EPHA7: variants seen among roughly 807,000 people sequenced by gnomAD.
The protein encoded by EPHA7 is ephrin type-A receptor 7.
A neutral mutation model predicts 112.6 loss-of-function variants in EPHA7; 25 were observed. The ratio of observed to expected loss-of-function variants is 0.22; its 90% CI spans 0.16 to 0.31. The LOEUF (loss-of-function observed/expected upper bound fraction) is 0.31. Ranked by LOEUF, EPHA7 falls within the 10% of genes least tolerant of loss-of-function variation. EPHA7 has a pLI of 1.00. For synonymous variants in EPHA7, 437 were observed against 406.5 expected (o/e 1.07, Z -0.90); for missense variants, 962 against 1,212.6 (o/e 0.79, Z 3.07).
chr6:93,252,393 A>C (rs1770255435), intron 14 of EPHA7, among the ~76,000 whole-genome samples: 1 of 151,120 alleles, frequency 6.6e-6, no homozygotes, highest in African/African-American at 2.4e-5. Context: ...ATTAAAAGAC[A>C]ATGAATACAT....
chr6:93,304,402 C>A (rs763436180), intron 5 of EPHA7, among the ~76,000 whole-genome samples: 2 of 151,960 alleles, frequency 1.3e-5, no homozygotes, highest in Admixed American at 1.3e-4. Context: ...GCTGCCAATG[C>A]TGGCAGCAAT....
intron 5 of EPHA7, among the ~76,000 whole-genome samples, chr6:93,305,099 T>C (rs1465815129): frequency 6.6e-6 from 1 of 151,994 alleles, no homozygotes; most frequent in Non-Finnish European, 1.5e-5. Context: ...GCAATTTTTA[T>C]GTGTTTTTTT....
At chr6:93,252,402 A>C (rs1770255855) in intron 14 of EPHA7, among the ~76,000 whole-genome samples, 1 of 146,432 alleles carries the variant, frequency 6.8e-6, no homozygotes, top group Non-Finnish European at 1.5e-5. Context: ...CAATGAATAC[A>C]TCTGAAAATC....
intron 3 of EPHA7, among the ~76,000 whole-genome samples, chr6:93,401,500 T>C (rs1038175826): frequency 2.0e-5 from 3 of 152,048 alleles, no homozygotes; most frequent in Non-Finnish European, 2.9e-5. Context: ...TCTATAACTT[T>C]AGCCAAAGTG....
At chr6:93,252,131 C>T (rs995806384) in intron 14 of EPHA7, among the ~76,000 whole-genome samples, 3 of 151,700 alleles carry the variant, frequency 2.0e-5, no homozygotes, top group Non-Finnish European at 2.9e-5. Flanking sequence ...TCATTAGCTT[C>T]TACACCACCC....
chr6:93,343,509 T>C (rs1775242044), intron 5 of EPHA7, among the ~76,000 whole-genome samples: 1 of 151,828 alleles, frequency 6.6e-6, no homozygotes, highest in Non-Finnish European at 1.5e-5. Context: ...TGTTTATAGT[T>C]CTTCATTCCT....
At chr6:93,369,443 TTGTC>T (rs1431783393) in intron 3 of EPHA7, among the ~76,000 whole-genome samples, 2 of 152,210 alleles carry the variant, frequency 1.3e-5, no homozygotes, top group African/African-American at 4.8e-5. Context: ...TATCATTTAA[TTGTC>T]TGTTAAAACA....
chr6:93,309,476 AAAAGCTCAAC>A (rs1773422629), intron 5 of EPHA7, among the ~76,000 whole-genome samples: 1 of 152,154 alleles, frequency 6.6e-6, no homozygotes, highest in African/African-American at 2.4e-5. Context: ...ATCATAATTA[AAAAGCTCAAC>A]TTGATATAAA....
At chr6:93,375,511 G>A (rs777758373) in intron 3 of EPHA7, among the ~76,000 whole-genome samples, 62 of 151,644 alleles carry the variant, frequency 4.1e-4, no homozygotes, top group South Asian at 2.1e-4. Context: ...CCAGCTACTC[G>A]AGAGGCTGAT....
intron 3 of EPHA7, among the ~76,000 whole-genome samples, chr6:93,400,918 T>G (rs1311071747): frequency 6.6e-6 from 1 of 152,122 alleles, no homozygotes; most frequent in Non-Finnish European, 1.5e-5. Flanking sequence ...ATGATAAATG[T>G]ATGATATGTA....
intron 5 of EPHA7, among the ~76,000 whole-genome samples, chr6:93,309,196 G>A (rs929866930): frequency 1.5e-4 from 23 of 152,120 alleles, no homozygotes; most frequent in African/African-American, 4.8e-4. Context: ...TGATCTGCCC[G>A]CCTTAGCCTC....
In EPHA7 at chr6:93,331,787, A is replaced by G. The variant is rs143499366; in HGVS notation, c.1324+24930T>C. 7.7e-3 allele frequency among the ~76,000 whole-genome samples: 1,162 copies of G among 151,690 alleles called. 16 individuals are homozygous for G. The highest frequency in any genetic ancestry group is 0.026 in the African/African-American group (1,085 of 41,484). ...TAGTTTATCAATTAATTATTTCTTC[A>G]AAGATACGTACTTTCTATTTTTCAG... On this transcript the variant is annotated intron_variant, in intron 5 of 16. Coordinates refer to ENST00000369303, the MANE Select transcript of EPHA7 (RefSeq NM_004440.4).
chr6:93,310,677 GTTACGT>G (rs1773487723), intron 5 of EPHA7, among the ~76,000 whole-genome samples: 2 of 150,738 alleles, frequency 1.3e-5, no homozygotes, highest in Non-Finnish European at 3.0e-5. Context: ...AAAAAAAAAA[GTTACGT>G]TTACATTAAC....
rs767334617 is a variant in EPHA7 at position 93,263,886 on chromosome 6, T to C, written c.1772A>G (p.Glu591Gly). The change falls in exon 9 of 17, where the codon GAA (glutamate) becomes GGA (glycine). Residue 591 changes from glutamate (E) to glycine (G), a missense_variant. Around this residue, in one of 3 missense-constraint regions of EPHA7, gnomAD observed 746 missense variants for 889.2 expected, o/e 0.84. Coordinates refer to ENST00000369303, the MANE Select transcript of EPHA7 (RefSeq NM_004440.4). ...RHCGYSKADQ[E>G]GDEELYFHFK... The stretch of plus-strand genomic sequence containing the variant: ...ATGAAAGTAAAGCTCTTCATCGCCT[T>C]CTTGGTCAGCTTTGCTATAACCACA... 3 of 1,609,656 alleles carry C rather than the reference T, an allele frequency of 1.9e-6. No homozygotes were observed. The South Asian group carries it at 3.3e-5, about 18-fold the overall frequency.
At position 93,386,453 on chromosome 6, in the gene EPHA7, G is replaced by A. The variant is rs566201545; in HGVS notation, c.832+24048C>T. Among the ~76,000 whole-genome samples, 28 of 152,272 alleles carry A rather than the reference G, an allele frequency of 1.8e-4. 1 individual carries two copies. The East Asian group carries it at 4.1e-3, about 22-fold the overall frequency. ...ACTCTATGTCTCACATTCAGGTCAC[G>A]CTGATGTAAGAGGGGGGCTCCCCAT... On this transcript the variant is annotated intron_variant, in intron 3 of 16. Coordinates refer to ENST00000369303, the MANE Select transcript of EPHA7 (RefSeq NM_004440.4).
chr6:93,258,101 C>A lies in EPHA7; in HGVS notation c.2108G>T (p.Arg703Ile), dbSNP rs370400794. The change falls in exon 11 of 17, where the codon AGA becomes ATA. Residue 703 changes from arginine (R) to isoleucine (I), a missense_variant and splice_region_variant. Around this residue, in one of 3 missense-constraint regions of EPHA7, gnomAD observed 746 missense variants for 889.2 expected, o/e 0.84. Transcript: ENST00000369303. ...NVVHLEGVVTRGKPVMIVIEF... is the reference protein window; with the variant it reads ...NVVHLEGVVTIGKPVMIVIEF... Reference sequence around the variant, plus strand: ...ATAAAGATATAACCAATATCTACCTCTTGTAACAACCCCTTCCAAATGGAC... The same window carrying A: ...ATAAAGATATAACCAATATCTACCTATTGTAACAACCCCTTCCAAATGGAC... The A allele has an allele frequency of 1.9e-6, 3 of 1,612,586 alleles. No homozygotes were observed. The highest frequency in any genetic ancestry group is 2.5e-6 in the Non-Finnish European group (3 of 1,179,188).
chr6:93,270,701 T>A (rs1444659847), intron 6 of EPHA7, among the ~76,000 whole-genome samples: 1 of 151,722 alleles, frequency 6.6e-6, no homozygotes, highest in Non-Finnish European at 1.5e-5. Context: ...AATAAATATA[T>A]ACTTAAGCTT....
Position 93,243,280 on chromosome 6 carries a change from A to G in EPHA7, c.*146T>C, listed in dbSNP as rs575888073. On this transcript the variant is annotated 3_prime_UTR_variant, in exon 17 of 17. Coordinates refer to ENST00000369303, the MANE Select transcript of EPHA7 (RefSeq NM_004440.4). ...TATTCTGGTGGCACTTAGGAGTTCA[A>G]GTCTATAGGTGCTTCTTAAATCTTC... is the stretch of plus-strand genomic sequence containing the variant. 1.9e-6 allele frequency: 1 copy of G among 520,948 alleles called. No individual in the cohort carries two copies. Among genetic ancestry groups the G allele is most frequent in the African/African-American group, 1.9e-5 (1 of 52,002 alleles). The allele number at this position is 520,948 out of a possible 1,614,324, so 32.3% of individuals were successfully genotyped here. A position where few individuals can be genotyped will look rare whatever the true frequency, so the allele number is the denominator to read the frequency against.
chr6:93,261,990 G>A (rs1770707794), intron 9 of EPHA7, among the ~76,000 whole-genome samples: 1 of 151,338 alleles, frequency 6.6e-6, no homozygotes, highest in African/African-American at 2.4e-5. Flanking sequence ...ATCACTGGGG[G>A]ATATTTCAAA....
Sources: allele counts gnomAD v4.1 joint callset (sites outside exome capture counted in the v4.1 genomes callset), GRCh38; gene constraint gnomAD v4.1.1; regional missense constraint gnomAD v4.1.1; transcripts MANE v1.5; gene names NCBI Gene and HGNC (gene_info 2026-07-23, HGNC 2026-07-21).